Variants in GALNT11 observed in about 807,000 individuals in gnomAD.
GALNT11 encodes the protein polypeptide N-acetylgalactosaminyltransferase 11.
A neutral mutation model predicts 72.7 loss-of-function variants in GALNT11; 47 were observed. The ratio of observed to expected loss-of-function variants is 0.65; its 90% CI spans 0.51 to 0.82. The LOEUF (loss-of-function observed/expected upper bound fraction) is 0.82. Among genes scored for constraint, GALNT11 ranks in the 40% least tolerant of loss-of-function variants. The pLI is 0.00. For synonymous variants in GALNT11, 270 were observed against 286.6 expected, an observed-to-expected ratio of 0.94 and a Z score of 0.58; for missense variants, 677 against 778.4, an observed-to-expected ratio of 0.87 and a Z score of 1.55.
At position 152,110,562 on chromosome 7, in the gene GALNT11, A is replaced by G. The variant is rs760509715; in HGVS notation, c.997A>G (p.Asn333Asp). The G allele has an allele frequency of 6.2e-7, 1 of 1,613,660 alleles. No individual in the cohort carries two copies. The change falls in exon 7 of 12, where the codon AAC (asparagine) becomes GAC (aspartate). Residue 333 changes from asparagine to aspartate, a missense_variant. Coordinates refer to ENST00000430044, the MANE Select transcript of GALNT11 (RefSeq NM_022087.4). ...PTMAGGLFAM[N>D]RQYFHELGQY... ...AATGGCTGGAGGTTTGTTTGCCATG[A>G]ACAGACAGTATTTCCATGAACTTGG...
At chr7:152,053,798 A>G (rs2083513272) in intron 1 of GALNT11, among the ~76,000 whole-genome samples, 1 of 152,248 alleles carries the variant, frequency 6.6e-6, no homozygotes, top group Admixed American at 6.5e-5. Context: ...GTTTGAGACC[A>G]GCCTGAGCAA....
At chr7:152,058,360 T>G (rs752845044) in intron 1 of GALNT11, among the ~76,000 whole-genome samples, 7 of 151,756 alleles carry the variant, frequency 4.6e-5, no homozygotes, top group East Asian at 1.9e-4. Context: ...GTTTTGTTTT[T>G]TTGAGATGGA....
chr7:152,060,117 A>G (rs1303940966), intron 1 of GALNT11, among the ~76,000 whole-genome samples: 4 of 152,150 alleles, frequency 2.6e-5, no homozygotes, highest in African/African-American at 4.8e-5. Flanking sequence ...TGTTGTGGAG[A>G]TGATATCTTT....
intron 7 of GALNT11, among the ~76,000 whole-genome samples, chr7:152,111,787 G>A (rs1276806717): frequency 1.3e-5 from 2 of 152,012 alleles, no homozygotes; most frequent in East Asian, 3.9e-4. Context: ...ATATAGTCAG[G>A]GTGACCAGAT....
At chr7:152,059,402 A>C (rs2083878406) in intron 1 of GALNT11, among the ~76,000 whole-genome samples, 1 of 152,262 alleles carries the variant, frequency 6.6e-6, no homozygotes, top group South Asian at 2.1e-4. Context: ...ATACCTGGCT[A>C]TAAATGTTCT....
intron 1 of GALNT11, among the ~76,000 whole-genome samples, chr7:152,026,587 G>A (rs944601342): frequency 6.6e-6 from 1 of 152,256 alleles, no homozygotes; most frequent in Admixed American, 6.5e-5. Context: ...ATGCATGTCT[G>A]ACGGCTTCCT....
At chr7:152,077,839 A>T (rs891057979) in intron 1 of GALNT11, among the ~76,000 whole-genome samples, 1 of 152,164 alleles carries the variant, frequency 6.6e-6, no homozygotes, top group Non-Finnish European at 1.5e-5. Flanking sequence ...CTTTGCAGAC[A>T]GTGGAATTAC....
At chr7:152,050,875 C>G (rs1587002679) in intron 1 of GALNT11, among the ~76,000 whole-genome samples, 1 of 152,308 alleles carries the variant, frequency 6.6e-6, no homozygotes. Flanking sequence ...AATTCTGCCC[C>G]CTTTTGCTTT....
At position 152,105,355 on chromosome 7, in the gene GALNT11, G is replaced by T; in HGVS notation, c.697G>T (p.Ala233Ser). Residue 233 changes from alanine to serine, a missense_variant, in exon 5 of 12, where the codon GCG (alanine) becomes TCG (serine). Coordinates refer to ENST00000430044, the MANE Select transcript of GALNT11 (RefSeq NM_022087.4). ...GTTGATTCGAGGGAGAATGATTGGC[G>T]CGGCCCACGCGACAGGTATCACTTC... is the stretch of plus-strand genomic sequence containing the variant. ...EGLIRGRMIG[A>S]AHATGEVLVF... The T allele has an allele frequency of 1.2e-6, 2 of 1,613,006 alleles. No homozygotes were observed. The highest frequency in any genetic ancestry group is 1.7e-6 in the Non-Finnish European group (2 of 1,179,584).
intron 1 of GALNT11, among the ~76,000 whole-genome samples, chr7:152,085,297 T>C (rs571252626): frequency 1.7e-4 from 26 of 152,360 alleles, no homozygotes; most frequent in African/African-American, 6.3e-4. Flanking sequence ...TGTCTCACTT[T>C]AATAAATTCA....
rs1176131035 is a variant in GALNT11, at chr7:152,121,582, T to G, written c.1732T>G (p.Cys578Gly). 3 of 1,614,216 alleles carry G rather than the reference T, an allele frequency of 1.9e-6. No individual in the cohort carries two copies. In the South Asian group the frequency reaches 3.3e-5, roughly 18 times the overall value. ...NRLYQVSVGQ[C>G]LRAVDPLGQK... The stretch of plus-strand genomic sequence containing the variant: ...GCTATACCAGGTGTCGGTTGGACAG[T>G]GCCTGAGAGCAGTGGATCCCCTGGG... The change falls in exon 12 of 12, where the codon TGC (cysteine) becomes GGC (glycine). Residue 578 changes from cysteine to glycine, a missense_variant. Transcript: ENST00000430044.
At chr7:152,062,535 T>A (rs552040296) in intron 1 of GALNT11, among the ~76,000 whole-genome samples, 1 of 152,298 alleles carries the variant, frequency 6.6e-6, no homozygotes, top group East Asian at 1.9e-4. Context: ...GGCATCCCTG[T>A]CTTGTGCCAG....
At chr7:152,064,357 A>G (rs1054273680) in intron 1 of GALNT11, among the ~76,000 whole-genome samples, 80 of 152,250 alleles carry the variant, frequency 5.3e-4, no homozygotes, top group African/African-American at 1.6e-3. Context: ...GTCTCTGCAC[A>G]TGAGATGGGT....
intron 5 of GALNT11, 145 bp from the exon 6 acceptor site, chr7:152,107,893 T>A: frequency 1.2e-6 from 1 of 840,892 alleles, no homozygotes; most frequent in Non-Finnish European, 1.8e-6. Context: ...GGCAGTGAAG[T>A]GTAGTGGAGC....
At chr7:152,109,887 T>G (rs1394009741) in intron 6 of GALNT11, among the ~76,000 whole-genome samples, 1 of 152,152 alleles carries the variant, frequency 6.6e-6, no homozygotes, top group Non-Finnish European at 1.5e-5. Context: ...AGAGGACTAG[T>G]CTGTGGCTTT....
chr7:152,044,268 A>T lies in GALNT11; in HGVS notation c.-39+18384A>T, dbSNP rs183958964. ...GGGAAATAAAGGGATGGGCCAAAAT[A>T]AAAGGATGGGCTCTGGCTGGTTACC... On this transcript the variant is annotated intron_variant, in intron 1 of 11. Coordinates refer to ENST00000430044, the MANE Select transcript of GALNT11 (RefSeq NM_022087.4). 7.2e-5 allele frequency among the ~76,000 whole-genome samples: 11 copies of T among 152,352 alleles called. No homozygotes were observed. The East Asian group carries it at 2.1e-3, about 29-fold the overall frequency.
intron 2 of GALNT11, among the ~76,000 whole-genome samples, chr7:152,096,072 G>T (rs985065836): frequency 1.3e-5 from 2 of 152,192 alleles, no homozygotes; most frequent in Non-Finnish European, 2.9e-5. Context: ...CCAAGGAGCT[G>T]CAAGATTTGT....
At chr7:152,027,106 G>C (rs981691264) in intron 1 of GALNT11, among the ~76,000 whole-genome samples, 1 of 152,172 alleles carries the variant, frequency 6.6e-6, no homozygotes, top group East Asian at 1.9e-4. Context: ...AAAATAAGCC[G>C]GGCGTGGTGG....
intron 1 of GALNT11, among the ~76,000 whole-genome samples, chr7:152,063,672 CA>C (rs2084145462): frequency 6.6e-6 from 1 of 152,144 alleles, no homozygotes; most frequent in South Asian, 2.1e-4. Context: ...TCTTTGTTCT[CA>C]TTGGTTTCAA....
Sources: allele counts gnomAD v4.1 joint callset (sites outside exome capture counted in the v4.1 genomes callset), GRCh38; gene constraint gnomAD v4.1.1; transcripts MANE v1.5; gene names NCBI Gene and HGNC (gene_info 2026-07-23, HGNC 2026-07-21).